The following EPAS1 variants were observed in gnomAD, a reference collection of about 807,000 sequenced individuals.
The protein encoded by EPAS1 is endothelial PAS domain-containing protein 1.
A neutral mutation model predicts 87.9 loss-of-function variants in EPAS1; 23 were observed. The observed-to-expected ratio is 0.26, with a 90% CI of 0.19 to 0.37. The LOEUF (loss-of-function observed/expected upper bound fraction) is 0.37, where lower values mean the gene tolerates loss of function less well. Among genes scored for constraint, EPAS1 ranks in the 10% least tolerant of loss-of-function variants. The pLI is 1.00. For synonymous variants in EPAS1, 508 were observed against 444.3 expected, an observed-to-expected ratio of 1.14 and a Z score of -1.80; for missense variants, 1,138 against 1,120.7, an observed-to-expected ratio of 1.02 and a Z score of -0.22.
intron 11 of EPAS1, chr2:46,379,795 G>A (rs375118270): frequency 8.6e-5 from 22 of 255,750 alleles, no homozygotes; most frequent in Middle Eastern, 1.4e-3. Context: ...GCTTAGGCCC[G>A]TGCCAGCTTA....
intron 1 of EPAS1, among the ~76,000 whole-genome samples, chr2:46,312,146 C>T (rs1027884509): frequency 2.0e-5 from 3 of 152,254 alleles, no homozygotes; most frequent in Non-Finnish European, 2.9e-5. Context: ...CCAAAATTAG[C>T]GTTGGGATGA....
At chr2:46,362,068 C>T (rs1245761216) in intron 6 of EPAS1, among the ~76,000 whole-genome samples, 1 of 152,178 alleles carries the variant, frequency 6.6e-6, no homozygotes, top group Non-Finnish European at 1.5e-5. Context: ...TGAGCAGCAC[C>T]CCCCGCATGC....
chr2:46,297,782 C>G lies in EPAS1; in HGVS notation c.-130C>G. 2 of 1,307,596 alleles carry G rather than the reference C, an allele frequency of 1.5e-6. No homozygotes were observed. Among genetic ancestry groups the G allele is most frequent in the Admixed American group, 2.0e-5 (1 of 49,588 alleles). 81.0% of individuals were successfully genotyped at this position (1,307,596 alleles called of 1,614,324 possible). A position where few individuals can be genotyped will look rare whatever the true frequency, so the allele number is the denominator to read the frequency against. ...CTTCCACCTGACTGCGCGGGGCGCT[C>G]GGGACCTGCGCGCACCTCGGACCTT... On this transcript the variant is annotated 5_prime_UTR_variant, in exon 1 of 16. Transcript: ENST00000263734.
chr2:46,359,578 G>C (rs1447095521), intron 4 of EPAS1, among the ~76,000 whole-genome samples: 1 of 152,150 alleles, frequency 6.6e-6, no homozygotes. Flanking sequence ...TTACTGAGTG[G>C]GGTCCCCTAA....
intron 8 of EPAS1, among the ~76,000 whole-genome samples, chr2:46,376,096 G>A (rs971770298): frequency 6.6e-6 from 1 of 152,180 alleles, no homozygotes; most frequent in Non-Finnish European, 1.5e-5. Context: ...TGACCCAGGT[G>A]GGGAGGCAGA....
chr2:46,380,026 C>G lies in EPAS1; in HGVS notation c.1555-201C>G. 1 of 768,862 alleles carries G rather than the reference C, an allele frequency of 1.3e-6. No homozygotes were observed. Among genetic ancestry groups the G allele is most frequent in the Non-Finnish European group, 2.2e-6 (1 of 447,530 alleles). The allele number at this position is 768,862 out of a possible 1,614,324, so 47.6% of individuals were successfully genotyped here. ...AAGAGGGGATAAACATGGGGGAAGGCTGGTACATGATACAAGGTCGTGTAC... is the reference window on the plus strand; with the variant it reads ...AAGAGGGGATAAACATGGGGGAAGGGTGGTACATGATACAAGGTCGTGTAC... On this transcript the variant is annotated intron_variant, in intron 11 of 15. Coordinates refer to ENST00000263734, the MANE Select transcript of EPAS1 (RefSeq NM_001430.5). The surrounding 1 kb of genome is among the most constrained non-coding windows in gnomAD (Gnocchi z 4.4).
chr2:46,337,526 C>T (rs1247217764), intron 1 of EPAS1, among the ~76,000 whole-genome samples: 3 of 152,190 alleles, frequency 2.0e-5, no homozygotes, highest in Non-Finnish European at 4.4e-5. Context: ...ATCCGTTTTA[C>T]ATCTCAGGCC....
intron 7 of EPAS1, among the ~76,000 whole-genome samples, chr2:46,372,124 CTCACAGCCCAAATAGAAA>C (rs1466020081): frequency 6.6e-6 from 1 of 152,162 alleles, no homozygotes; most frequent in Admixed American, 6.5e-5. Flanking sequence ...TGAAAGGTAA[CTCACAGCCCAAATAGAAA>C]TCACAGGCTC....
At chr2:46,369,482 C>T (rs1684577629) in intron 6 of EPAS1, among the ~76,000 whole-genome samples, 1 of 152,186 alleles carries the variant, frequency 6.6e-6, no homozygotes, top group African/African-American at 2.4e-5. Flanking sequence ...ATGTCTACTC[C>T]CTCATCTGCA....
At chr2:46,338,981 A>T (rs764421056) in intron 1 of EPAS1, among the ~76,000 whole-genome samples, 10 of 152,188 alleles carry the variant, frequency 6.6e-5, no homozygotes, top group Non-Finnish European at 8.8e-5. Context: ...AGCTGGATAC[A>T]TATCTTTTAT....
intron 1 of EPAS1, among the ~76,000 whole-genome samples, chr2:46,321,707 A>G (rs1683457094): frequency 6.6e-6 from 1 of 151,192 alleles, no homozygotes. Context: ...CACCCCCACA[A>G]CAGCCTGTGT....
chr2:46,324,915 C>G (rs749837393), intron 1 of EPAS1, among the ~76,000 whole-genome samples: 3 of 152,368 alleles, frequency 2.0e-5, no homozygotes, highest in Non-Finnish European at 2.9e-5. Flanking sequence ...TCTATCTCAC[C>G]CAGCTTGGGC....
chr2:46,306,951 A>T (rs1441956514), intron 1 of EPAS1, among the ~76,000 whole-genome samples: 1 of 152,260 alleles, frequency 6.6e-6, no homozygotes, highest in African/African-American at 2.4e-5. Context: ...TTTCTAAATG[A>T]AAACAATCAC....
rs144105749 is a variant in EPAS1 at position 46,329,016 on chromosome 2, C to G, written c.27-17857C>G. 5.3e-5 allele frequency among the ~76,000 whole-genome samples: 8 copies of G among 152,320 alleles called. No homozygotes were observed. The East Asian group carries it at 1.2e-3, about 22-fold the overall frequency. ...TGAAGTAAACATTATTCCTAATGAG[C>G]CTCTGGGAAAGTGCTCACCTTTGAA... On this transcript the variant is annotated intron_variant, in intron 1 of 15. Coordinates refer to ENST00000263734, the MANE Select transcript of EPAS1 (RefSeq NM_001430.5).
rs533889366 is a variant in EPAS1, at chr2:46,371,706, A to G, written c.886+1773A>G. On this transcript the variant is annotated intron_variant, in intron 7 of 15. Coordinates refer to ENST00000263734, the MANE Select transcript of EPAS1 (RefSeq NM_001430.5). This position sits in a 1 kb window ranked among gnomAD's most constrained non-coding sequence, Gnocchi z 4.3. ...AGGCAGGTGACAGAATCATCCAGGC[A>G]CTGGGACTTAGCGGCCCAGGCTCTG... is the stretch of plus-strand genomic sequence containing the variant. Among the ~76,000 whole-genome samples, 56 of 152,278 alleles carry G rather than the reference A, an allele frequency of 3.7e-4. No individual in the cohort carries two copies. The highest frequency in any genetic ancestry group is 1.3e-3 in the African/African-American group (54 of 41,538).
chr2:46,354,880 C>G lies in EPAS1; in HGVS notation c.218-1271C>G, dbSNP rs565749569. Among the ~76,000 whole-genome samples, 124 of 152,270 alleles carry G rather than the reference C, an allele frequency of 8.1e-4. 1 individual carries two copies. The Middle Eastern group carries it at 0.01, about 13-fold the overall frequency. On this transcript the variant is annotated intron_variant, in intron 2 of 15. Coordinates refer to ENST00000263734, the MANE Select transcript of EPAS1 (RefSeq NM_001430.5). ...CAGCCAGATGGGCCTCTCTTCAGTC[C>G]TAGGACTGAAGCTTGCTCCAGGTGT...
chr2:46,314,077 G>C lies in EPAS1; in HGVS notation c.26+16140G>C, dbSNP rs139892380. Among the ~76,000 whole-genome samples, 150 of 152,290 alleles carry C rather than the reference G, an allele frequency of 9.8e-4. 1 individual carries two copies. The highest frequency in any genetic ancestry group is 3.4e-3 in the Middle Eastern group (1 of 294). On this transcript the variant is annotated intron_variant, in intron 1 of 15. Transcript: ENST00000263734. ...ACAAAAATGTGATCACAAAACCAGA[G>C]AGTGGCAGTGCCTACCTGAACAGCT...
At chr2:46,367,531 C>G (rs999490000) in intron 6 of EPAS1, among the ~76,000 whole-genome samples, 4 of 152,370 alleles carry the variant, frequency 2.6e-5, no homozygotes, top group Admixed American at 1.3e-4. Flanking sequence ...CTTGTTCCCC[C>G]CAGTCTCCAC....
intron 1 of EPAS1, among the ~76,000 whole-genome samples, chr2:46,311,830 C>A (rs1329457251): frequency 6.6e-6 from 1 of 152,192 alleles, no homozygotes; most frequent in Non-Finnish European, 1.5e-5. Flanking sequence ...GGCCGCCAGC[C>A]AGCCCAAGGC....
Sources: gnomAD v4.1 joint callset for allele counts (sites outside exome capture counted in the v4.1 genomes callset) on GRCh38, gnomAD v4.1.1 for gene constraint, Gnocchi (gnomAD v3.1) non-coding constraint, MANE v1.5 for transcripts, NCBI Gene and HGNC (gene_info 2026-07-23, HGNC 2026-07-21) for gene names.